Variants in IL5RA observed in about 807,000 individuals in gnomAD.
IL5RA encodes interleukin 5 receptor subunit alpha, also known as interleukin-5 receptor subunit alpha.
In IL5RA, 49 loss-of-function variants were observed where a neutral mutation model predicts 50.0. The observed-to-expected ratio is 0.98, with a 90% CI of 0.78 to 1.24. IL5RA has a LOEUF of 1.24. Ranked by LOEUF, IL5RA falls within the 50% of genes most tolerant of loss-of-function variation. The pLI, the probability that IL5RA is intolerant of heterozygous loss-of-function variation, is 0.00. For missense variants in IL5RA, 600 were observed against 500.4 expected (o/e 1.20, Z -1.90); for synonymous variants, 202 against 174.0 (o/e 1.16, Z -1.26).
chr3:3,086,606 G>T (rs903049914), intron 9 of IL5RA, among the ~76,000 whole-genome samples: 1 of 152,040 alleles, frequency 6.6e-6, no homozygotes. Flanking sequence ...GCTAAGGCAG[G>T]AGGATTGCCT....
At chr3:3,079,263 C>T (rs1048831394) in intron 9 of IL5RA, among the ~76,000 whole-genome samples, 8 of 152,130 alleles carry the variant, frequency 5.3e-5, no homozygotes, top group African/African-American at 1.4e-4. Context: ...TTAAACTGTC[C>T]GTAGGTAAAA....
chr3:3,074,742 C>G lies in IL5RA; in HGVS notation c.1176+40G>C, dbSNP rs752330313. 12 of 1,242,926 alleles carry G rather than the reference C, an allele frequency of 9.7e-6. No individual in the cohort carries two copies. The Admixed American group carries it at 1.2e-4, about 12-fold the overall frequency. The allele number at this position is 1,242,926 out of a possible 1,614,324, so 77.0% of individuals were successfully genotyped here. On this transcript the variant is annotated intron_variant, in intron 11 of 11. Transcript: ENST00000446632. The stretch of plus-strand genomic sequence containing the variant: ...ATGACAGCTCCCAGGGGACTCAACC[C>G]TGGACACATACGGCATATCATAAGA...
chr3:3,067,558 G>C lies in IL5RA; in HGVS notation c.*2667C>G, dbSNP rs1390713754. The C allele has an allele frequency of 6.6e-6, 1 of 152,190 alleles. No individual in the cohort carries two copies. Among genetic ancestry groups the C allele is most frequent in the Non-Finnish European group, 1.5e-5 (1 of 68,054 alleles). The allele number at this position is 152,190 out of a possible 1,614,324, so 9.4% of individuals were successfully genotyped here. A position where few individuals can be genotyped will look rare whatever the true frequency, so the allele number is the denominator to read the frequency against. ...GCAGTAGCTCTAACACGGGTATGAGGCCCAGAATGAGAATCCAGAGGCGGG... is the reference window on the plus strand; with the variant it reads ...GCAGTAGCTCTAACACGGGTATGAGCCCCAGAATGAGAATCCAGAGGCGGG... On this transcript the variant is annotated 3_prime_UTR_variant, in exon 12 of 12. Transcript: ENST00000446632.
At chr3:3,080,098 A>C (rs959606400) in intron 9 of IL5RA, among the ~76,000 whole-genome samples, 1 of 152,262 alleles carries the variant, frequency 6.6e-6, no homozygotes, top group African/African-American at 2.4e-5. Context: ...AAAAGTTTAT[A>C]AAGTATAAAA....
chr3:3,092,089 T>G lies in IL5RA; in HGVS notation c.994+135A>C, dbSNP rs145686880. 2 of 1,442,268 alleles carry G rather than the reference T, an allele frequency of 1.4e-6. No individual in the cohort carries two copies. The highest frequency in any genetic ancestry group is 1.8e-6 in the Non-Finnish European group (2 of 1,103,350). The allele number at this position is 1,442,268 out of a possible 1,614,324, so 89.3% of individuals were successfully genotyped here. A position where few individuals can be genotyped will look rare whatever the true frequency, so the allele number is the denominator to read the frequency against. ...AATCTATTCCTGATTGAAAAGGCAGTAGACCGAGAGAAAATTAGTCACAAT... is the reference window on the plus strand; with the variant it reads ...AATCTATTCCTGATTGAAAAGGCAGGAGACCGAGAGAAAATTAGTCACAAT... On this transcript the variant is annotated intron_variant, in intron 9 of 11. Coordinates refer to ENST00000446632, the MANE Select transcript of IL5RA (RefSeq NM_175726.4). The surrounding 1 kb of genome is among the most constrained non-coding windows in gnomAD (Gnocchi z 4.2).
intron 9 of IL5RA, among the ~76,000 whole-genome samples, chr3:3,087,087 G>A (rs747703322): frequency 1.3e-5 from 2 of 152,072 alleles, no homozygotes; most frequent in Non-Finnish European, 2.9e-5. Flanking sequence ...GAGGAGCATG[G>A]GGGATGAAAA....
At chr3:3,099,658 T>TTTATTATTATTATTATTATTATTA (rs10525244) in intron 5 of IL5RA, among the ~76,000 whole-genome samples, 32 of 144,290 alleles carry the variant, frequency 2.2e-4, no homozygotes, top group African/African-American at 7.9e-4. Flanking sequence ...TTTTATTTTA[T>TTTATTATTATTATTATTATTATTA]TTATTATTAT....
Position 3,098,010 on chromosome 3 carries a change from AGT to A in IL5RA, c.567_568del (p.Leu190GlyfsTer19). 6.2e-7 allele frequency: 1 copy of A among 1,614,190 alleles called. No homozygotes were observed. The highest frequency in any genetic ancestry group is 8.5e-7 in the Non-Finnish European group (1 of 1,180,036). Reference sequence around the variant, plus strand: ...AAACCAGCATGCGATATTTCTCCCCAGTGTGTCTTTGCTGTATTCTTGGCATT... The same window carrying A: ...AAACCAGCATGCGATATTTCTCCCCAGTGTCTTTGCTGTATTCTTGGCATT... On this transcript the variant is annotated frameshift_variant, in exon 7 of 12. Coordinates refer to ENST00000446632, the MANE Select transcript of IL5RA (RefSeq NM_175726.4). LOFTEE classifies it high-confidence loss of function.
At chr3:3,081,197 G>A (rs1423462030) in intron 9 of IL5RA, among the ~76,000 whole-genome samples, 1 of 152,130 alleles carries the variant, frequency 6.6e-6, no homozygotes, top group Non-Finnish European at 1.5e-5. Context: ...TGAGGGCTCT[G>A]TTAGACTTCA....
At chr3:3,094,008 A>G (rs1438962586) in intron 8 of IL5RA, among the ~76,000 whole-genome samples, 2 of 152,236 alleles carry the variant, frequency 1.3e-5, no homozygotes, top group Non-Finnish European at 2.9e-5. Context: ...GAATAAACAC[A>G]TAATAAAGCT....
chr3:3,102,026 A>T (rs1703678126), intron 4 of IL5RA, among the ~76,000 whole-genome samples, 196 bp from the exon 5 acceptor site: 2 of 152,238 alleles, frequency 1.3e-5, no homozygotes, highest in Admixed American at 6.5e-5. Flanking sequence ...TGAACGCATT[A>T]TTCTTGTAAA....
At chr3:3,077,588 G>A (rs1702531117) in intron 9 of IL5RA, among the ~76,000 whole-genome samples, 1 of 152,310 alleles carries the variant, frequency 6.6e-6, no homozygotes, top group African/African-American at 2.4e-5. Flanking sequence ...GGCCACCATG[G>A]TGAAATCCCA....
intron 8 of IL5RA, among the ~76,000 whole-genome samples, chr3:3,094,784 G>A (rs780586120): frequency 3.9e-5 from 6 of 151,952 alleles, no homozygotes; most frequent in Non-Finnish European, 5.9e-5. Context: ...GTGCAGTGGC[G>A]CCATCTCAGC....
chr3:3,096,322 C>G (rs1703367448), intron 7 of IL5RA, among the ~76,000 whole-genome samples: 1 of 148,084 alleles, frequency 6.8e-6, no homozygotes, highest in South Asian at 2.1e-4. Flanking sequence ...GTGGATTGGG[C>G]TAAATTTGTC....
chr3:3,092,227 C>G lies in IL5RA; in HGVS notation c.991G>C (p.Val331Leu), dbSNP rs1336408762. The G allele has an allele frequency of 1.9e-6, 3 of 1,613,020 alleles. No individual in the cohort carries two copies. The East Asian group carries it at 6.7e-5, about 36-fold the overall frequency. The change falls in exon 9 of 12, where the codon GTG becomes CTG. Residue 331 changes from valine (V) to leucine (L), a missense_variant. Transcript: ENST00000446632. This position sits in a 1 kb window ranked among gnomAD's most constrained non-coding sequence, Gnocchi z 4.2. ...LWSEWSQPIY[V>L]GNDEHKPLRE... ...AAAATAAACATAAGCTACTTACCCA[C>G]ATAAATAGGTTGGCTCCACTCACTC...
intron 9 of IL5RA, among the ~76,000 whole-genome samples, chr3:3,090,593 G>A (rs1206334458): frequency 7.5e-6 from 1 of 133,588 alleles, no homozygotes; most frequent in Admixed American, 8.1e-5. Context: ...TTGAGATGGA[G>A]TCTCACTCTA....
intron 9 of IL5RA, among the ~76,000 whole-genome samples, chr3:3,089,398 C>G (rs1702999341): frequency 6.6e-6 from 1 of 152,234 alleles, no homozygotes; most frequent in South Asian, 2.1e-4. Context: ...CAGTGGAAAT[C>G]TACCTGCTGT....
chr3:3,077,345 A>G (rs924722657), intron 9 of IL5RA, among the ~76,000 whole-genome samples: 1 of 152,222 alleles, frequency 6.6e-6, no homozygotes, highest in African/African-American at 2.4e-5. Context: ...GTACATGTGC[A>G]CAACGTGCAG....
At chr3:3,086,149 G>C (rs1242242202) in intron 9 of IL5RA, among the ~76,000 whole-genome samples, 1 of 152,198 alleles carries the variant, frequency 6.6e-6, no homozygotes, top group Non-Finnish European at 1.5e-5. Context: ...GCAGTTCTCA[G>C]AACCACTGAT....
Sources: allele counts gnomAD v4.1 joint callset (sites outside exome capture counted in the v4.1 genomes callset), GRCh38; gene constraint gnomAD v4.1.1; non-coding constraint Gnocchi (gnomAD v3.1); transcripts MANE v1.5; gene names NCBI Gene and HGNC (gene_info 2026-07-23, HGNC 2026-07-21).